CEP89: variants seen among roughly 807,000 people sequenced by gnomAD.
CEP89 encodes the protein centrosomal protein 89.
Under a neutral mutation model 97.6 loss-of-function variants are expected in CEP89, and 95 were observed. The observed-to-expected ratio is 0.97, with a 90% confidence interval of 0.82 to 1.15. CEP89 has a LOEUF of 1.15. Ranked by LOEUF, CEP89 falls within the 50% of genes most tolerant of loss-of-function variation. The pLI is 0.00. For synonymous variants in CEP89, 354 were observed against 349.1 expected, an observed-to-expected ratio of 1.01 and a Z score of -0.16; for missense variants, 869 against 947.7, an observed-to-expected ratio of 0.92 and a Z score of 1.09.
At chr19:32,946,067 C>G (rs558599523) in intron 5 of CEP89, among the ~76,000 whole-genome samples, 6 of 152,282 alleles carry the variant, frequency 3.9e-5, no homozygotes, top group African/African-American at 1.4e-4. Context: ...TCAGTATTCT[C>G]TTTACTCCTT....
chr19:32,922,847 CA>C (rs11299527), intron 12 of CEP89, among the ~76,000 whole-genome samples: 101,119 of 144,142 alleles, frequency 0.7, 35,468 homozygotes, highest in African/African-American at 0.82. Flanking sequence ...GACTCTGTCT[CA>C]AAAAAAAAAA....
chr19:32,926,203 T>C lies in CEP89; in HGVS notation c.1151A>G (p.Asn384Ser). 6.2e-7 allele frequency: 1 copy of C among 1,612,586 alleles called. No individual in the cohort carries two copies. The highest frequency in any genetic ancestry group is 1.3e-5 in the African/African-American group (1 of 74,996). The change falls in exon 11 of 19, where the codon AAT (asparagine) becomes AGT (serine). Residue 384 changes from asparagine to serine, a missense_variant. Physicochemically the swap from Asn to Ser is conservative, Grantham distance 46. Coordinates refer to ENST00000305768, the MANE Select transcript of CEP89 (RefSeq NM_032816.5). ...TTGCCAGCCTACCTTGAGGGTGGCA[T>C]TGAGCTCGTCCTTCTCTTTCATCAT... ...EDMMKEKDEL[N>S]ATLKEEMRMF...
At chr19:32,929,803 A>G (rs1028163097) in intron 9 of CEP89, among the ~76,000 whole-genome samples, 1 of 152,092 alleles carries the variant, frequency 6.6e-6, no homozygotes, top group African/African-American at 2.4e-5. Flanking sequence ...TAAGAACTTT[A>G]TTTGTTTTTG....
At position 32,962,802 on chromosome 19, in the gene CEP89, C is replaced by T. The variant is rs185269123; in HGVS notation, c.147-2744G>A. ...AAAACAAGCCAGGGCTGTGATGTCT[C>T]CAGGAAACCCACAGTCTTCACCCAG... is the stretch of plus-strand genomic sequence containing the variant. On this transcript the variant is annotated intron_variant, in intron 2 of 18. Transcript: ENST00000305768. 2.5e-3 allele frequency among the ~76,000 whole-genome samples: 380 copies of T among 152,262 alleles called. 2 individuals are homozygous for T. The highest frequency in any genetic ancestry group is 8.4e-3 in the African/African-American group (350 of 41,552).
intron 2 of CEP89, among the ~76,000 whole-genome samples, chr19:32,965,341 C>T (rs1328505858): frequency 6.6e-6 from 1 of 152,096 alleles, no homozygotes; most frequent in East Asian, 1.9e-4. Flanking sequence ...GTTGAGGCTG[C>T]AGTGAGTCAC....
chr19:32,954,368 T>G (rs1971001841), intron 3 of CEP89, among the ~76,000 whole-genome samples: 1 of 127,578 alleles, frequency 7.8e-6, no homozygotes, highest in East Asian at 2.4e-4. Flanking sequence ...TTTTTTGTTT[T>G]TTTGTTTTTT....
At chr19:32,971,704 C>T in intron 1 of CEP89, 132 bp downstream of exon 1, 1 of 850,892 alleles carries the variant, frequency 1.2e-6, no homozygotes, top group Non-Finnish European at 1.9e-6. Context: ...AAGGCTTCCT[C>T]AACTGAAAAC....
At chr19:32,955,777 G>C (rs1159808114) in intron 3 of CEP89, among the ~76,000 whole-genome samples, 4 of 152,148 alleles carry the variant, frequency 2.6e-5, no homozygotes, top group Non-Finnish European at 5.9e-5. Context: ...GCCTCAAAAA[G>C]TGCTGAGGTT....
intron 10 of CEP89, 114 bp from the exon 11 acceptor site, chr19:32,926,387 T>C: frequency 3.9e-6 from 3 of 777,020 alleles, no homozygotes; most frequent in Non-Finnish European, 6.4e-6. Context: ...TGGTTGCAGT[T>C]GTTATTGTTT....
intron 18 of CEP89, among the ~76,000 whole-genome samples, chr19:32,881,618 G>A (rs965330598): frequency 5.9e-5 from 9 of 152,190 alleles, no homozygotes; most frequent in African/African-American, 2.2e-4. Context: ...AATTAGAGGT[G>A]TGCATTGATT....
rs74504201 is a variant in CEP89, at chr19:32,953,670, C to T, written c.437G>A (p.Arg146Gln). The change falls in exon 4 of 19, where the codon CGG (arginine) becomes CAG (glutamine). Residue 146 changes from arginine to glutamine, a missense_variant. By Grantham distance (43) the Arg-to-Gln change is conservative. Transcript: ENST00000305768. ...SGKELGDVSA[R>Q]EDRGGHSDDL... ...ATCACTGTGGCCTCCTCTGTCCTCC[C>T]GGGCACTGACATCCCCCAATTCCTT... The T allele has an allele frequency of 1.3e-5, 21 of 1,613,864 alleles. No individual in the cohort carries two copies. The highest frequency in any genetic ancestry group is 1.7e-5 in the Non-Finnish European group (20 of 1,179,970).
In CEP89 at chr19:32,878,978, T is replaced by A. The variant is rs2077201; in HGVS notation, c.*184A>T. ...CCCTAGCTCTAAAAAAAAAAAAAAA[T>A]TAAAAAATAAAGCAAAATGTTATCA... On this transcript the variant is annotated 3_prime_UTR_variant, in exon 19 of 19. Transcript: ENST00000305768. 678 of 408,808 alleles carry A rather than the reference T, an allele frequency of 1.7e-3. 3 individuals carry two copies. Among genetic ancestry groups the A allele is most frequent in the African/African-American group, 0.011 (503 of 45,420 alleles). The allele number at this position is 408,808 out of a possible 1,614,324, so 25.3% of individuals were successfully genotyped here.
intron 4 of CEP89, among the ~76,000 whole-genome samples, chr19:32,952,306 C>A (rs974309668): frequency 3.5e-5 from 5 of 144,818 alleles, no homozygotes; most frequent in South Asian, 2.3e-4. Flanking sequence ...CATAACAAGA[C>A]CCTGGCCCTA....
intron 9 of CEP89, among the ~76,000 whole-genome samples, chr19:32,930,651 A>G (rs1970452584): frequency 6.6e-6 from 1 of 152,024 alleles, no homozygotes; most frequent in Admixed American, 6.6e-5. Context: ...ACATCTTCAC[A>G]GCCCCAAGTT....
At chr19:32,880,209 G>A (rs572206416) in intron 18 of CEP89, among the ~76,000 whole-genome samples, 6 of 152,328 alleles carry the variant, frequency 3.9e-5, no homozygotes, top group South Asian at 2.1e-4. Context: ...AGGCTGGAGA[G>A]GCCAGCTCCT....
chr19:32,898,881 TAAA>T (rs56965428), intron 16 of CEP89, among the ~76,000 whole-genome samples: 4 of 127,508 alleles, frequency 3.1e-5, no homozygotes, highest in Admixed American at 1.7e-4. Context: ...GACTCCATCT[TAAA>T]AAAAAAAAAA....
intron 5 of CEP89, among the ~76,000 whole-genome samples, chr19:32,940,765 CTTT>C (rs71338602): frequency 7.0e-6 from 1 of 143,382 alleles, no homozygotes. Flanking sequence ...CATCGAGTTG[CTTT>C]TTTTTTTTTT....
intron 18 of CEP89, among the ~76,000 whole-genome samples, 178 bp from the exon 19 acceptor site, chr19:32,879,556 G>C (rs1209923662): frequency 6.6e-6 from 1 of 152,162 alleles, no homozygotes; most frequent in African/African-American, 2.4e-5. Context: ...CCTGGGAATG[G>C]GGAGCAGCAG....
intron 14 of CEP89, among the ~76,000 whole-genome samples, chr19:32,910,801 T>C (rs1969985730): frequency 1.3e-5 from 2 of 152,180 alleles, no homozygotes; most frequent in African/African-American, 4.8e-5. Flanking sequence ...CTGGAAACTC[T>C]TCAGGGTCAG....
Sources: allele counts gnomAD v4.1 joint callset (sites outside exome capture counted in the v4.1 genomes callset), GRCh38; gene constraint gnomAD v4.1.1; transcripts MANE v1.5; gene names NCBI Gene and HGNC (gene_info 2026-07-23, HGNC 2026-07-21).